BPIFA3: variants seen among roughly 807,000 people sequenced by gnomAD.
BPIFA3 encodes BPI fold-containing family A member 3.
In BPIFA3, 32 loss-of-function variants were observed where a neutral mutation model predicts 29.7. The observed-to-expected ratio is 1.08, with a 90% CI of 0.81 to 1.45. The LOEUF is 1.45. Ranked by LOEUF, BPIFA3 falls within the 40% of genes most tolerant of loss-of-function variation. The pLI, the probability that BPIFA3 is intolerant of heterozygous loss-of-function variation, is 0.00. For synonymous variants in BPIFA3, 112 were observed against 113.7 expected, an observed-to-expected ratio of 0.98 and a Z score of 0.10; for missense variants, 323 against 311.3, an observed-to-expected ratio of 1.04 and a Z score of -0.28.
Position 33,224,408 on chromosome 20 carries a change from A to T in BPIFA3, c.332A>T (p.His111Leu). The T allele has an allele frequency of 6.2e-7, 1 of 1,614,182 alleles. No individual in the cohort carries two copies. Among genetic ancestry groups the T allele is most frequent in the Non-Finnish European group, 8.5e-7 (1 of 1,180,010 alleles). Reference protein sequence around the residue: ...LDCGGIQISFHKEWFSANISL... With the variant: ...LDCGGIQISFLKEWFSANISL... The stretch of plus-strand genomic sequence containing the variant: ...TGTGGTGGGATCCAGATATCATTCC[A>T]TAAGGAGTGGTTCTCGGCAAATATC... Residue 111 changes from histidine (H) to leucine (L), a missense_variant, in exon 3 of 7, where the codon CAT (histidine) becomes CTT (leucine). Transcript: ENST00000375454.
At chr20:33,219,729 A>G (rs1281993499) in intron 1 of BPIFA3, among the ~76,000 whole-genome samples, 2 of 152,126 alleles carry the variant, frequency 1.3e-5, no homozygotes, top group Non-Finnish European at 2.9e-5. Flanking sequence ...ATAATATTGT[A>G]AATACAACAT....
intron 1 of BPIFA3, among the ~76,000 whole-genome samples, chr20:33,222,545 T>C (rs890033475): frequency 3.4e-5 from 5 of 148,882 alleles, no homozygotes; most frequent in Non-Finnish European, 7.4e-5. Context: ...AATGGATGGA[T>C]AGATGGACAG....
chr20:33,218,430 C>T (rs910757980), intron 1 of BPIFA3, among the ~76,000 whole-genome samples: 1 of 152,224 alleles, frequency 6.6e-6, no homozygotes, highest in African/African-American at 2.4e-5. Flanking sequence ...GAGTACTGAG[C>T]TGTATCAGTC....
chr20:33,219,168 G>A (rs1256640776), intron 1 of BPIFA3, among the ~76,000 whole-genome samples: 3 of 152,154 alleles, frequency 2.0e-5, no homozygotes, highest in Non-Finnish European at 2.9e-5. Context: ...GCCTCCCAAA[G>A]TGCTGGCATT....
rs750783675 is a variant in BPIFA3, at chr20:33,226,962, G to T, written c.654G>T (p.Gln218His). The T allele has an allele frequency of 6.2e-7, 1 of 1,614,132 alleles. No individual in the cohort carries two copies. Among genetic ancestry groups the T allele is most frequent in the South Asian group, 1.1e-5 (1 of 91,074 alleles). Residue 218 changes from glutamine (Q) to histidine (H), a missense_variant, in exon 6 of 7, where the codon CAG becomes CAT. By Grantham distance (24) the Gln-to-His change is conservative (BLOSUM62 0). Coordinates refer to ENST00000375454, the MANE Select transcript of BPIFA3 (RefSeq NM_178466.5). ...CTCTGATCGGTGAAATCCTCGGGCA[G>T]CTGGATGTGAAACTGTTGAAAAGCC... Reference protein sequence around the residue: ...VCPLIGEILGQLDVKLLKSLI... With the variant: ...VCPLIGEILGHLDVKLLKSLI...
intron 1 of BPIFA3, among the ~76,000 whole-genome samples, chr20:33,223,204 G>C (rs1373596546): frequency 6.6e-6 from 1 of 152,208 alleles, no homozygotes; most frequent in South Asian, 2.1e-4. Flanking sequence ...AGAGTTCTCA[G>C]TGTGGGAACT....
At chr20:33,224,634 A>G (rs1985690978) in intron 3 of BPIFA3, among the ~76,000 whole-genome samples, 172 bp downstream of exon 3, 2 of 152,316 alleles carry the variant, frequency 1.3e-5, no homozygotes, top group South Asian at 2.1e-4. Flanking sequence ...TCTTCACCTG[A>G]AATATGATGA....
intron 1 of BPIFA3, among the ~76,000 whole-genome samples, chr20:33,220,697 G>C (rs1310576020): frequency 6.6e-6 from 1 of 152,150 alleles, no homozygotes; most frequent in African/African-American, 2.4e-5. Flanking sequence ...GACTTCTTCT[G>C]ATATTCAAAA....
chr20:33,225,206 C>A lies in BPIFA3; in HGVS notation c.495C>A (p.Cys165Ter), dbSNP rs116819024. ...FGRRDLVIGK[C>*]DAEPSSVHVA... ...GGAGGGATCTGGTGATAGGCAAATGCGATGCAGAGCCCAGCAGTGTCCATG... is the reference window on the plus strand; with the variant it reads ...GGAGGGATCTGGTGATAGGCAAATGAGATGCAGAGCCCAGCAGTGTCCATG... Residue 165 changes from cysteine to a stop codon, truncating the protein, a stop_gained, in exon 4 of 7, where the codon TGC becomes TGA. Coordinates refer to ENST00000375454, the MANE Select transcript of BPIFA3 (RefSeq NM_178466.5). LOFTEE classifies it high-confidence loss of function. The A allele has an allele frequency of 9.0e-4, 1,446 of 1,614,072 alleles. 11 individuals are homozygous for A. In the African/African-American group the frequency reaches 0.016, roughly 18 times the overall value.
chr20:33,222,373 G>A (rs1224824148), intron 1 of BPIFA3, among the ~76,000 whole-genome samples: 6 of 152,214 alleles, frequency 3.9e-5, no homozygotes, highest in African/African-American at 1.4e-4. Flanking sequence ...GTCTGATAGA[G>A]CCAACTGGGT....
At chr20:33,227,028 G>T in intron 6 of BPIFA3, 35 bp downstream of exon 6, 1 of 1,593,154 alleles carries the variant, frequency 6.3e-7, no homozygotes, top group Non-Finnish European at 8.6e-7. Flanking sequence ...GGACTTCTTA[G>T]GACTGGCAAG....
chr20:33,226,921 A>T lies in BPIFA3; in HGVS notation c.622-9A>T. 1.2e-6 allele frequency: 2 copies of T among 1,614,068 alleles called. No individual in the cohort carries two copies. The highest frequency in any genetic ancestry group is 1.7e-6 in the Non-Finnish European group (2 of 1,179,966). ...TGGCCTGATCCTTCTCTCTGTGCTG[A>T]TGGTCCAGGTATGTCCTCTGATCGG... On this transcript the variant is annotated splice_polypyrimidine_tract_variant and intron_variant, in intron 5 of 6. Transcript: ENST00000375454.
chr20:33,225,215 G>A lies in BPIFA3; in HGVS notation c.504G>A (p.Glu168=). ...RDLVIGKCDA[E]PSSVHVAILT... ...TGGTGATAGGCAAATGCGATGCAGA[G>A]CCCAGCAGTGTCCATGTGGCCATCC... The change falls in exon 4 of 7, where the codon GAG becomes GAA. Residue 168 remains glutamate, a synonymous_variant. Transcript: ENST00000375454. 6.2e-7 allele frequency: 1 copy of A among 1,614,034 alleles called. No individual in the cohort carries two copies. Among genetic ancestry groups the A allele is most frequent in the Admixed American group, 1.7e-5 (1 of 60,020 alleles).
chr20:33,217,583 C>T lies in BPIFA3; in HGVS notation c.47C>T (p.Ala16Val), dbSNP rs1985318526. 8 of 1,614,198 alleles carry T rather than the reference C, an allele frequency of 5.0e-6. No homozygotes were observed. The highest frequency in any genetic ancestry group is 6.8e-6 in the Non-Finnish European group (8 of 1,180,018). The change falls in exon 1 of 7, where the codon GCC becomes GTC. Residue 16 changes from alanine (A) to valine (V), a missense_variant. Physicochemically the swap from Ala to Val is moderately conservative, Grantham distance 64. Coordinates refer to ENST00000375454, the MANE Select transcript of BPIFA3 (RefSeq NM_178466.5). The stretch of plus-strand genomic sequence containing the variant: ...CTCCTCATCTTCCTCGGGTTGCTGG[C>T]CTTGCCCTTGGCACCACACAAGCAG... ...WRLLIFLGLLALPLAPHKQPW... is the reference protein window; with the variant it reads ...WRLLIFLGLLVLPLAPHKQPW...
chr20:33,225,421 G>GC, intron 4 of BPIFA3, 174 bp downstream of exon 4: 1 of 836,612 alleles, frequency 1.2e-6, no homozygotes, highest in East Asian at 2.7e-5. Flanking sequence ...CCTCCCAGAA[G>GC]CCAGACTCTT....
intron 3 of BPIFA3, 81 bp from the exon 4 acceptor site, chr20:33,225,017 C>T (rs1568624769): frequency 7.4e-6 from 10 of 1,357,584 alleles, no homozygotes; most frequent in Non-Finnish European, 1.0e-5. Context: ...TGGACAGTGC[C>T]CGTCTTTGCC....
Position 33,224,422 on chromosome 20 carries a change from T to C in BPIFA3, c.346T>C (p.Ser116Pro). ...GATATCATTCCATAAGGAGTGGTTCTCGGCAAATATCTCACTTGAATTTGA... is the reference window on the plus strand; with the variant it reads ...GATATCATTCCATAAGGAGTGGTTCCCGGCAAATATCTCACTTGAATTTGA... ...IQISFHKEWF[S>P]ANISLEFDLE... The change falls in exon 3 of 7, where the codon TCG becomes CCG. Residue 116 changes from serine to proline, a missense_variant. By Grantham distance (74) the Ser-to-Pro change is moderately conservative. Transcript: ENST00000375454. 3 of 1,614,136 alleles carry C rather than the reference T, an allele frequency of 1.9e-6. No individual in the cohort carries two copies. The highest frequency in any genetic ancestry group is 2.5e-6 in the Non-Finnish European group (3 of 1,179,940).
At position 33,223,978 on chromosome 20, in the gene BPIFA3, T is replaced by C; in HGVS notation, c.278+17T>C. 1 of 1,612,460 alleles carries C rather than the reference T, an allele frequency of 6.2e-7. No individual in the cohort carries two copies. Among genetic ancestry groups the C allele is most frequent in the Non-Finnish European group, 8.5e-7 (1 of 1,179,166 alleles). Reference sequence around the variant, plus strand: ...AGAGAGCAGGTGAGACCCTGAGTTCTATCCGTGGCCCTGGAACTCTTTATA... The same window carrying C: ...AGAGAGCAGGTGAGACCCTGAGTTCCATCCGTGGCCCTGGAACTCTTTATA... On this transcript the variant is annotated intron_variant, in intron 2 of 6. Transcript: ENST00000375454.
rs570267156 is a variant in BPIFA3 at position 33,217,456 on chromosome 20, C to T, written c.-81C>T. Reference sequence around the variant, plus strand: ...CATCTTTCTGCAGAAAACCATTAGACCATCCCTCCAGACTGCCACCCTCAA... The same window carrying T: ...CATCTTTCTGCAGAAAACCATTAGATCATCCCTCCAGACTGCCACCCTCAA... On this transcript the variant is annotated 5_prime_UTR_variant, in exon 1 of 7. Transcript: ENST00000375454. 1.3e-4 allele frequency: 204 copies of T among 1,523,834 alleles called. 1 individual carries two copies. Among genetic ancestry groups the T allele is most frequent in the Admixed American group, 3.5e-4 (18 of 50,948 alleles). The allele number at this position is 1,523,834 out of a possible 1,614,324, so 94.4% of individuals were successfully genotyped here.
Sources: gnomAD v4.1 joint callset for allele counts (sites outside exome capture counted in the v4.1 genomes callset) on GRCh38, gnomAD v4.1.1 for gene constraint, MANE v1.5 for transcripts, NCBI Gene and HGNC (gene_info 2026-07-23, HGNC 2026-07-21) for gene names.